Variants in HECW1 observed in about 807,000 individuals in gnomAD.
HECW1 encodes the protein HECT, C2 and WW domain containing E3 ubiquitin protein ligase 1, also known as E3 ubiquitin-protein ligase HECW1.
HECW1 carries 61 observed loss-of-function variants against 182.3 expected under a neutral mutation model. The ratio of observed to expected loss-of-function variants is 0.33; its 90% CI spans 0.27 to 0.41. The LOEUF (loss-of-function observed/expected upper bound fraction) is 0.41, where lower values mean the gene tolerates loss of function less well. Among genes scored for constraint, HECW1 ranks in the 10% least tolerant of loss-of-function variants. The probability of loss-of-function intolerance (pLI) is 1.00; values close to 1 mark genes in which losing one functional copy is unlikely to be tolerated. For synonymous variants in HECW1, 859 were observed against 832.6 expected (o/e 1.03, Z -0.55); for missense variants, 1,739 against 2,108.9 (o/e 0.82, Z 3.44).
intron 2 of HECW1, among the ~76,000 whole-genome samples, chr7:43,146,498 T>C (rs1788727870): frequency 6.6e-6 from 1 of 152,160 alleles, no homozygotes; most frequent in Admixed American, 6.5e-5. Context: ...AATAAGGAAA[T>C]GAATAAGCCT....
intron 3 of HECW1, among the ~76,000 whole-genome samples, chr7:43,280,697 C>T (rs543067666): frequency 3.3e-5 from 5 of 152,270 alleles, no homozygotes; most frequent in East Asian, 3.9e-4. Context: ...AAATGGATCT[C>T]GGCTCATTCC....
intron 29 of HECW1, among the ~76,000 whole-genome samples, chr7:43,556,266 C>G (rs1262483399): frequency 6.6e-6 from 1 of 152,142 alleles, no homozygotes; most frequent in Non-Finnish European, 1.5e-5. Context: ...ATAACACAAG[C>G]AAGGGCTGAG....
chr7:43,464,746 C>T (rs2077704658), intron 14 of HECW1, among the ~76,000 whole-genome samples: 1 of 152,048 alleles, frequency 6.6e-6, no homozygotes, highest in African/African-American at 2.4e-5. Flanking sequence ...TTAATTTCCC[C>T]CTTTCTATTC....
chr7:43,488,383 GA>G (rs2078747050), intron 17 of HECW1, among the ~76,000 whole-genome samples: 1 of 72,868 alleles, frequency 1.4e-5, no homozygotes, highest in Admixed American at 1.6e-4. Context: ...AGGAAGGAAG[GA>G]AGGAAGGAAG....
At position 43,228,328 on chromosome 7, in the gene HECW1, C is replaced by T. The variant is rs569969424; in HGVS notation, c.-31-15547C>T. ...TACAGAGACCTCATCTCTACAAAAT[C>T]AAAAAAAAAAAAGCAGCTTGATATT... On this transcript the variant is annotated intron_variant, in intron 2 of 29. Transcript: ENST00000395891. Among the ~76,000 whole-genome samples the T allele has an allele frequency of 4.2e-3, 558 of 131,606 alleles. 5 individuals carry two copies. The highest frequency in any genetic ancestry group is 0.014 in the African/African-American group (518 of 35,924). 86.3% of individuals were successfully genotyped at this position (131,606 alleles called of 152,430 possible).
chr7:43,411,822 A>G (rs1028865109), intron 8 of HECW1, among the ~76,000 whole-genome samples: 8 of 152,086 alleles, frequency 5.3e-5, no homozygotes, highest in African/African-American at 1.9e-4. Flanking sequence ...TTACTTTCAA[A>G]ATGTTTGTGT....
rs570229012 is a variant in HECW1, at chr7:43,113,030, C to T, written c.-267+93C>T. On this transcript the variant is annotated intron_variant, in intron 1 of 29. Transcript: ENST00000395891. ...CCCGCCGCACGCGAGGCCCCGGCAGCGCCCTCCCTTCTCGGGGCCGAGATC... is the reference window on the plus strand; with the variant it reads ...CCCGCCGCACGCGAGGCCCCGGCAGTGCCCTCCCTTCTCGGGGCCGAGATC... 28 of 186,692 alleles carry T rather than the reference C, an allele frequency of 1.5e-4. No homozygotes were observed. In the Middle Eastern group the frequency reaches 6.0e-3, roughly 40 times the overall value. The allele number at this position is 186,692 out of a possible 1,614,324, so 11.6% of individuals were successfully genotyped here.
At chr7:43,363,292 G>A (rs1246613926) in intron 6 of HECW1, among the ~76,000 whole-genome samples, 1 of 152,228 alleles carries the variant, frequency 6.6e-6, no homozygotes. Context: ...TACCTCAGAA[G>A]AGGAAATGAG....
chr7:43,425,479 T>C (rs941648788), intron 8 of HECW1, among the ~76,000 whole-genome samples: 63 of 152,338 alleles, frequency 4.1e-4, no homozygotes, highest in African/African-American at 1.5e-3. Context: ...TCTTGTTTCT[T>C]GCCCCAGCCT....
At chr7:43,199,000 C>T (rs1308436247) in intron 2 of HECW1, among the ~76,000 whole-genome samples, 1 of 152,224 alleles carries the variant, frequency 6.6e-6, no homozygotes, top group Non-Finnish European at 1.5e-5. Flanking sequence ...AACCATTTGC[C>T]TTCCCAGTTC....
At chr7:43,198,075 C>T (rs1359146363) in intron 2 of HECW1, among the ~76,000 whole-genome samples, 2 of 150,902 alleles carry the variant, frequency 1.3e-5, no homozygotes, top group East Asian at 3.9e-4. Context: ...CACACACTCT[C>T]TTACACACCA....
chr7:43,523,658 A>T (rs1037688048), intron 24 of HECW1, among the ~76,000 whole-genome samples: 2 of 152,190 alleles, frequency 1.3e-5, no homozygotes, highest in African/African-American at 4.8e-5. Context: ...GAAAAGAGTC[A>T]GCCCCTTTTT....
rs948389519 is a variant in HECW1, at chr7:43,508,903, G to A, written c.3867-66G>A. 31 of 1,555,506 alleles carry A rather than the reference G, an allele frequency of 2.0e-5. No individual in the cohort carries two copies. In the African/African-American group the frequency reaches 3.8e-4, roughly 19 times the overall value. ...CTCTGAAAGGGCACACTAGAATCTG[G>A]GTGCAAACAGGTCCCCCCACCTCCG... On this transcript the variant is annotated intron_variant, in intron 23 of 29. Coordinates refer to ENST00000395891, the MANE Select transcript of HECW1 (RefSeq NM_015052.5).
intron 5 of HECW1, among the ~76,000 whole-genome samples, 162 bp downstream of exon 5, chr7:43,320,904 G>A (rs1422646691): frequency 6.6e-6 from 1 of 152,186 alleles, no homozygotes; most frequent in Non-Finnish European, 1.5e-5. Context: ...AGTAGTAAGT[G>A]GTGAGGTCTA....
chr7:43,284,502 C>CAAAAAAAAAAAAA (rs1165081149), intron 3 of HECW1, among the ~76,000 whole-genome samples: 9 of 53,710 alleles, frequency 1.7e-4, no homozygotes, highest in Admixed American at 2.2e-4. Context: ...CCCATTTCTA[C>CAAAAAAAAAAAAA]AAAAAAAAAA....
intron 5 of HECW1, among the ~76,000 whole-genome samples, chr7:43,332,236 T>A (rs1005067796): frequency 5.3e-5 from 8 of 152,196 alleles, no homozygotes; most frequent in African/African-American, 1.9e-4. Flanking sequence ...CCTCTTCCTC[T>A]TCAAAGCCAC....
At chr7:43,359,557 T>C (rs1427849207) in intron 5 of HECW1, among the ~76,000 whole-genome samples, 1 of 152,248 alleles carries the variant, frequency 6.6e-6, no homozygotes, top group African/African-American at 2.4e-5. Flanking sequence ...TAAATGATAG[T>C]TGGCCATGCT....
At chr7:43,498,726 A>G (rs1013418255) in intron 19 of HECW1, among the ~76,000 whole-genome samples, 4 of 152,066 alleles carry the variant, frequency 2.6e-5, no homozygotes, top group African/African-American at 9.7e-5. Context: ...TGGTGATGCC[A>G]TTTCCTGCAA....
intron 2 of HECW1, among the ~76,000 whole-genome samples, chr7:43,200,422 C>T (rs1329843443): frequency 1.3e-5 from 2 of 152,172 alleles, no homozygotes; most frequent in African/African-American, 4.8e-5. Flanking sequence ...AAATGATCAC[C>T]TTTTAACAAA....
Sources: gnomAD v4.1 joint callset for allele counts (sites outside exome capture counted in the v4.1 genomes callset) on GRCh38, gnomAD v4.1.1 for gene constraint, MANE v1.5 for transcripts, NCBI Gene and HGNC (gene_info 2026-07-23, HGNC 2026-07-21) for gene names.